NREP: variants seen among roughly 807,000 people sequenced by gnomAD.
The protein encoded by NREP is neuronal regeneration related protein.
NREP carries 5 observed loss-of-function variants against 8.6 expected under a neutral mutation model. The observed-to-expected ratio is 0.58, with a 90% CI of 0.30 to 1.22. The LOEUF is 1.22. Ranked by LOEUF, NREP falls within the 50% of genes most tolerant of loss-of-function variation. The pLI, the probability that NREP is intolerant of heterozygous loss-of-function variation, is 0.07. For missense variants in NREP, 86 were observed against 82.5 expected (o/e 1.04, Z -0.17); for synonymous variants, 27 against 28.0 (o/e 0.96, Z 0.11).
chr5:111,759,485 G>T (rs1750910695), upstream of NREP, among the ~76,000 whole-genome samples: 1 of 150,594 alleles, frequency 6.6e-6, no homozygotes, highest in Non-Finnish European at 1.5e-5. Context: ...CAAACTCCTG[G>T]ATTCAGGCAA....
intron 2 of NREP, among the ~76,000 whole-genome samples, chr5:111,890,662 A>G (rs993832073): frequency 2.0e-5 from 3 of 152,210 alleles, no homozygotes; most frequent in African/African-American, 7.2e-5. Context: ...CACTACATGG[A>G]AGCTGCCAAG....
chr5:111,829,529 T>C (rs1307857876), intron 2 of NREP, among the ~76,000 whole-genome samples: 2 of 152,218 alleles, frequency 1.3e-5, no homozygotes, highest in African/African-American at 4.8e-5. Context: ...TAGTTCCCTT[T>C]AGGTTTTTGA....
At chr5:111,911,201 AC>A (rs756538074) in intron 2 of NREP, among the ~76,000 whole-genome samples, 10 of 152,056 alleles carry the variant, frequency 6.6e-5, no homozygotes, top group Admixed American at 1.3e-4. Context: ...TCTGGATATC[AC>A]CCCTGTACCC....
chr5:111,824,902 G>C (rs758025642), intron 2 of NREP, among the ~76,000 whole-genome samples: 1 of 152,132 alleles, frequency 6.6e-6, no homozygotes, highest in African/African-American at 2.4e-5. Context: ...TAAGACATAG[G>C]TCTTTATGTA....
chr5:111,827,598 T>G (rs1167812389), intron 2 of NREP, among the ~76,000 whole-genome samples: 1 of 152,122 alleles, frequency 6.6e-6, no homozygotes, highest in African/African-American at 2.4e-5. Flanking sequence ...CACCTGCAAT[T>G]TGGGAGGCTG....
intron 2 of NREP, among the ~76,000 whole-genome samples, chr5:111,833,605 G>A (rs1185712635): frequency 6.6e-6 from 1 of 152,120 alleles, no homozygotes; most frequent in African/African-American, 2.4e-5. Context: ...GATACCCTGG[G>A]GACAGGATTG....
chr5:111,970,849 A>G (rs961629941), intron 2 of NREP, among the ~76,000 whole-genome samples: 1 of 147,558 alleles, frequency 6.8e-6, no homozygotes, highest in Non-Finnish European at 1.5e-5. Flanking sequence ...AAAAAAAAAA[A>G]GAAAGAAGAA....
chr5:111,972,692 G>T (rs1756855354), intron 2 of NREP, among the ~76,000 whole-genome samples: 1 of 152,102 alleles, frequency 6.6e-6, no homozygotes, highest in East Asian at 1.9e-4. Context: ...TTCAGGGCCA[G>T]GGATACTGCT....
chr5:111,889,360 G>T (rs1179810248), intron 2 of NREP, among the ~76,000 whole-genome samples: 1 of 152,144 alleles, frequency 6.6e-6, no homozygotes, highest in Non-Finnish European at 1.5e-5. Flanking sequence ...CCAAGAAGGT[G>T]GCACTAAACC....
intron 2 of NREP, among the ~76,000 whole-genome samples, chr5:111,809,875 G>A (rs956319658): frequency 2.0e-5 from 1 of 49,594 alleles, no homozygotes. Flanking sequence ...TTTGGCGTGT[G>A]TGTGTGTGTG....
rs141723446 is a variant in NREP, at chr5:111,898,082, G to A, written c.135+77192C>T. ...AACATGTACCTGGATCATTTAGAGC[G>A]TTACAAGTGTTAGAACTTTGGCTTT... On this transcript the variant is annotated intron_variant, in intron 2 of 3. Coordinates refer to the NREP transcript ENST00000395634. 2.5e-3 allele frequency among the ~76,000 whole-genome samples: 379 copies of A among 152,254 alleles called. 3 individuals are homozygous for A. Among genetic ancestry groups the A allele is most frequent in the African/African-American group, 8.5e-3 (355 of 41,536 alleles).
intron 2 of NREP, among the ~76,000 whole-genome samples, chr5:111,788,022 G>A (rs543539414): frequency 8.5e-5 from 13 of 152,242 alleles, no homozygotes; most frequent in Admixed American, 6.5e-4. Context: ...GAGCCCAGGA[G>A]GGGGAGTCTG....
chr5:111,758,115 C>A (rs1255110551), upstream of NREP: 2 of 985,378 alleles, frequency 2.0e-6, no homozygotes, highest in Non-Finnish European at 2.4e-6. Flanking sequence ...TCGGGTCGGA[C>A]CCTGCCCCTC....
At chr5:111,828,052 G>A (rs374810224) in intron 2 of NREP, among the ~76,000 whole-genome samples, 4 of 150,810 alleles carry the variant, frequency 2.7e-5, no homozygotes, top group East Asian at 3.9e-4. Context: ...TTTTTAAGAC[G>A]GAGTTTCGCT....
At chr5:111,935,706 CG>C (rs1755663961) in intron 2 of NREP, among the ~76,000 whole-genome samples, 1 of 152,052 alleles carries the variant, frequency 6.6e-6, no homozygotes, top group Non-Finnish European at 1.5e-5. Context: ...AAAATTGTAA[CG>C]TCCACTCCTC....
chr5:111,940,025 G>A (rs1755787777), intron 2 of NREP: 1 of 152,044 alleles, frequency 6.6e-6, no homozygotes, highest in Non-Finnish European at 1.5e-5. Flanking sequence ...GGCGTTCATG[G>A]AAACTTTACA....
chr5:111,954,214 G>C (rs586262), intron 2 of NREP, among the ~76,000 whole-genome samples: 69,769 of 151,934 alleles, frequency 0.46, 17,155 homozygotes, highest in Non-Finnish European at 0.56. Flanking sequence ...TAGAAGAACT[G>C]TCAGGTGAAA....
chr5:111,841,084 A>C (rs1011051748), intron 2 of NREP, among the ~76,000 whole-genome samples: 3 of 152,106 alleles, frequency 2.0e-5, no homozygotes, highest in Admixed American at 6.6e-5. Flanking sequence ...CCAGAGAATA[A>C]GTACAGGAGT....
intron 2 of NREP, among the ~76,000 whole-genome samples, chr5:111,745,463 ATG>A (rs1347172407): frequency 6.6e-6 from 1 of 152,222 alleles, no homozygotes; most frequent in African/African-American, 2.4e-5. Flanking sequence ...CAATATAAAT[ATG>A]TAGCATCATT....
Sources: gnomAD v4.1 joint callset for allele counts (sites outside exome capture counted in the v4.1 genomes callset) on GRCh38, gnomAD v4.1.1 for gene constraint, MANE v1.5 for transcripts, NCBI Gene and HGNC (gene_info 2026-07-23, HGNC 2026-07-21) for gene names.